MACROD2: variants seen among roughly 807,000 people sequenced by gnomAD.
MACROD2 encodes the protein ADP-ribose glycohydrolase MACROD2.
MACROD2 carries 36 observed loss-of-function variants against 70.4 expected under a neutral mutation model. The observed-to-expected ratio is 0.51, with a 90% confidence interval of 0.39 to 0.68. The LOEUF is 0.68. Among genes scored for constraint, MACROD2 ranks in the 30% least tolerant of loss-of-function variants. MACROD2 has a pLI of 0.00. For synonymous variants in MACROD2, 172 were observed against 178.8 expected (o/e 0.96, Z 0.30); for missense variants, 496 against 538.4 (o/e 0.92, Z 0.78).
At chr20:15,950,138 TG>T (rs1046286677) in intron 12 of MACROD2, among the ~76,000 whole-genome samples, 2 of 152,202 alleles carry the variant, frequency 1.3e-5, no homozygotes, top group Non-Finnish European at 2.9e-5. Flanking sequence ...ACTAGTTAAG[TG>T]TAGTCTATTT....
chr20:14,162,070 TTTG>T (rs2055198741), intron 3 of MACROD2, among the ~76,000 whole-genome samples: 1 of 152,178 alleles, frequency 6.6e-6, no homozygotes, highest in African/African-American at 2.4e-5. Context: ...ATAGGTTTGA[TTTG>T]TTGTGTTTTG....
chr20:15,616,105 T>TA (rs1025703642), intron 8 of MACROD2, among the ~76,000 whole-genome samples: 3 of 145,256 alleles, frequency 2.1e-5, no homozygotes, highest in Non-Finnish European at 4.5e-5. Flanking sequence ...ATTCTTTTTT[T>TA]TTTTTTTTTT....
At chr20:15,325,870 T>C (rs943975751) in intron 6 of MACROD2, among the ~76,000 whole-genome samples, 2 of 152,150 alleles carry the variant, frequency 1.3e-5, no homozygotes, top group African/African-American at 2.4e-5. Flanking sequence ...GTAAACTTTT[T>C]CCCAGGCATT....
At chr20:15,145,290 T>C (rs2076222289) in intron 5 of MACROD2, among the ~76,000 whole-genome samples, 1 of 152,206 alleles carries the variant, frequency 6.6e-6, no homozygotes. Context: ...GGGATTTATT[T>C]TCTGGGTTTC....
At chr20:15,020,397 T>TAG (rs2075155977) in intron 5 of MACROD2, among the ~76,000 whole-genome samples, 1 of 152,334 alleles carries the variant, frequency 6.6e-6, no homozygotes, top group East Asian at 1.9e-4. Context: ...TATATGAGTT[T>TAG]TGAAAATTAC....
intron 6 of MACROD2, among the ~76,000 whole-genome samples, chr20:15,394,857 T>G (rs1755308174): frequency 6.6e-6 from 1 of 152,218 alleles, no homozygotes; most frequent in South Asian, 2.1e-4. Flanking sequence ...GACAGAAACT[T>G]GACAGTCCAG....
chr20:16,045,649 ATGT>A (rs2067369596), intron 17 of MACROD2, among the ~76,000 whole-genome samples: 1 of 151,856 alleles, frequency 6.6e-6, no homozygotes, highest in Non-Finnish European at 1.5e-5. Context: ...CTTTAACATA[ATGT>A]TGTTACTTGT....
At chr20:14,248,568 G>A (rs1042008279) in intron 3 of MACROD2, among the ~76,000 whole-genome samples, 18 of 152,078 alleles carry the variant, frequency 1.2e-4, no homozygotes, top group African/African-American at 3.6e-4. Context: ...GGGTGACAGA[G>A]CGAGACTCTG....
At chr20:14,756,516 T>G (rs1315282970) in intron 5 of MACROD2, among the ~76,000 whole-genome samples, 1 of 152,090 alleles carries the variant, frequency 6.6e-6, no homozygotes, top group Non-Finnish European at 1.5e-5. Context: ...ATAGTTAGTT[T>G]GACATATGGG....
At chr20:14,429,759 C>A (rs1035926838) in intron 3 of MACROD2, among the ~76,000 whole-genome samples, 1 of 152,088 alleles carries the variant, frequency 6.6e-6, no homozygotes, top group Non-Finnish European at 1.5e-5. Flanking sequence ...GGAGTTAACA[C>A]CCTCAAGAGC....
chr20:15,788,920 G>C (rs781683763), intron 8 of MACROD2, among the ~76,000 whole-genome samples: 2 of 152,110 alleles, frequency 1.3e-5, no homozygotes, highest in African/African-American at 2.4e-5. Context: ...TTTATGAAAA[G>C]CACACTTTAT....
At chr20:14,834,459 G>GCTTT (rs1392998888) in intron 5 of MACROD2, among the ~76,000 whole-genome samples, 1 of 151,934 alleles carries the variant, frequency 6.6e-6, no homozygotes, top group East Asian at 1.9e-4. Flanking sequence ...TTGATCCGTA[G>GCTTT]TGGTATAAAT....
chr20:15,684,003 T>A (rs2050194764), intron 8 of MACROD2, among the ~76,000 whole-genome samples: 1 of 152,214 alleles, frequency 6.6e-6, no homozygotes, highest in Admixed American at 6.5e-5. Context: ...AAATGACAGA[T>A]GATTTCTTTT....
At chr20:14,425,868 C>T (rs2083927112) in intron 3 of MACROD2, among the ~76,000 whole-genome samples, 2 of 152,172 alleles carry the variant, frequency 1.3e-5, no homozygotes, top group South Asian at 4.1e-4. Flanking sequence ...ATAAATGCTA[C>T]TTTGCAACTA....
chr20:16,010,083 G>A (rs1260664535), intron 15 of MACROD2, among the ~76,000 whole-genome samples: 1 of 152,030 alleles, frequency 6.6e-6, no homozygotes, highest in East Asian at 1.9e-4. Context: ...CCAGGGTGAG[G>A]GTCTTGCTTC....
At chr20:15,164,848 C>A (rs1468519976) in intron 5 of MACROD2, among the ~76,000 whole-genome samples, 2 of 152,128 alleles carry the variant, frequency 1.3e-5, no homozygotes, top group African/African-American at 4.8e-5. Context: ...CTGCAGTGAA[C>A]TGTGGTCAGG....
intron 8 of MACROD2, among the ~76,000 whole-genome samples, chr20:15,814,024 G>A (rs2063847393): frequency 6.6e-6 from 1 of 152,132 alleles, no homozygotes; most frequent in South Asian, 2.1e-4. Flanking sequence ...AATTAGAAAA[G>A]AGGTAAGACC....
intron 3 of MACROD2, among the ~76,000 whole-genome samples, chr20:14,158,708 C>A (rs566310998): frequency 6.6e-6 from 1 of 152,102 alleles, no homozygotes; most frequent in Non-Finnish European, 1.5e-5. Flanking sequence ...TGTCAAAAAT[C>A]AGTTGGCTGT....
intron 3 of MACROD2, among the ~76,000 whole-genome samples, chr20:14,206,280 A>C (rs1251721054): frequency 6.6e-6 from 1 of 152,260 alleles, no homozygotes; most frequent in Non-Finnish European, 1.5e-5. Flanking sequence ...GGAACTTGTT[A>C]GAAATGCAAA....
Sources: allele counts gnomAD v4.1 joint callset (sites outside exome capture counted in the v4.1 genomes callset), GRCh38; gene constraint gnomAD v4.1.1; transcripts MANE v1.5; gene names NCBI Gene and HGNC (gene_info 2026-07-23, HGNC 2026-07-21).